Variants in TUBG1 observed in about 807,000 individuals in gnomAD.
TUBG1 encodes tubulin gamma-1 chain.
TUBG1 carries 22 observed loss-of-function variants against 53.3 expected under a neutral mutation model. The observed-to-expected ratio is 0.41, with a 90% CI of 0.29 to 0.59. The LOEUF is 0.59. Ranked by LOEUF, TUBG1 falls within the 20% of genes least tolerant of loss-of-function variation. The pLI is 0.26. For synonymous variants in TUBG1, 198 were observed against 236.7 expected (o/e 0.84, Z 1.50); for missense variants, 217 against 598.9 (o/e 0.36, Z 6.66).
rs1375716161 is a variant in TUBG1 at position 42,609,705 on chromosome 17, G to A, written c.-33G>A. ...GCTGGCGTGCGGCGCCGTTGCGGGCGGGAGCGGCTGCAACGCCGGTGCCTG... is the reference window on the plus strand; with the variant it reads ...GCTGGCGTGCGGCGCCGTTGCGGGCAGGAGCGGCTGCAACGCCGGTGCCTG... On this transcript the variant is annotated 5_prime_UTR_variant, in exon 1 of 11. Transcript: ENST00000251413. 3 of 1,541,010 alleles carry A rather than the reference G, an allele frequency of 1.9e-6. No individual in the cohort carries two copies. Among genetic ancestry groups the A allele is most frequent in the South Asian group, 1.2e-5 (1 of 83,020 alleles).
intron 3 of TUBG1, 96 bp downstream of exon 3, chr17:42,610,686 G>T: frequency 6.4e-7 from 1 of 1,559,330 alleles, no homozygotes; most frequent in Non-Finnish European, 8.7e-7. Flanking sequence ...AGGGATGTAT[G>T]AATGCTGGAG....
rs778331373 is a variant in TUBG1 at position 42,614,372 on chromosome 17, C to T, written c.956C>T (p.Ala319Val). ...CGCCAGACCAACCACTGCTACATCG[C>T]CATCCTCAACATCATCCAGGGAGAG... ...RDRQTNHCYI[A>V]ILNIIQGEVD... The change falls in exon 9 of 11, where the codon GCC (alanine) becomes GTC (valine). Residue 319 changes from alanine (A) to valine (V), a missense_variant. Physicochemically the swap from Ala to Val is moderately conservative, Grantham distance 64 (BLOSUM62 0). Transcript: ENST00000251413. This position sits in a 1 kb window ranked among gnomAD's most constrained non-coding sequence, Gnocchi z 5.1. 6.2e-7 allele frequency: 1 copy of T among 1,613,984 alleles called. No individual in the cohort carries two copies. Among genetic ancestry groups the T allele is most frequent in the East Asian group, 2.2e-5 (1 of 44,886 alleles).
chr17:42,610,654 C>T (rs1192605144), intron 3 of TUBG1, 64 bp downstream of exon 3: 4 of 1,606,614 alleles, frequency 2.5e-6, no homozygotes, highest in Non-Finnish European at 1.7e-6. Flanking sequence ...TATGACGTCC[C>T]GAAGAGAGGG....
Position 42,615,196 on chromosome 17 carries a change from T to C in TUBG1, c.*155T>C. The C allele has an allele frequency of 1.5e-6, 1 of 657,886 alleles. No homozygotes were observed. 40.8% of individuals were successfully genotyped at this position (657,886 alleles called of 1,614,324 possible). ...CTGCAAACACATTTACTTCTCCTCT[T>C]ATGAGACTATTTATCTTTAATAAAG... On this transcript the variant is annotated 3_prime_UTR_variant, in exon 11 of 11. Coordinates refer to ENST00000251413, the MANE Select transcript of TUBG1 (RefSeq NM_001070.5).
In TUBG1 at chr17:42,615,236, C is replaced by T; in HGVS notation, c.*195C>T. On this transcript the variant is annotated 3_prime_UTR_variant, in exon 11 of 11. Transcript: ENST00000251413. ...CTTTAATAAAGCACTGGATATAAAT[C>T]AAGTCACTGCTCCCTTTAAAGCCTT... 1.8e-6 allele frequency: 1 copy of T among 570,054 alleles called. No homozygotes were observed. The highest frequency in any genetic ancestry group is 3.1e-6 in the Non-Finnish European group (1 of 323,388). The allele number at this position is 570,054 out of a possible 1,614,324, so 35.3% of individuals were successfully genotyped here.
chr17:42,615,115 G>A lies in TUBG1; in HGVS notation c.*74G>A. On this transcript the variant is annotated 3_prime_UTR_variant, in exon 11 of 11. Coordinates refer to ENST00000251413, the MANE Select transcript of TUBG1 (RefSeq NM_001070.5). ...CTGCCTGACTGACCACCCCCTCAGA[G>A]CACAGATCAGGGACCTCACGCATCT... 6.7e-7 allele frequency: 1 copy of A among 1,486,020 alleles called. No homozygotes were observed. The highest frequency in any genetic ancestry group is 9.3e-7 in the Non-Finnish European group (1 of 1,074,110). 92.1% of individuals were successfully genotyped at this position (1,486,020 alleles called of 1,614,324 possible). A position where few individuals can be genotyped will look rare whatever the true frequency, so the allele number is the denominator to read the frequency against.
chr17:42,612,622 T>C, intron 5 of TUBG1, 116 bp downstream of exon 5: 1 of 985,876 alleles, frequency 1.0e-6, no homozygotes, highest in South Asian at 1.5e-5. Flanking sequence ...TTATATTCCC[T>C]CCTATAGAGA....
intron 5 of TUBG1, among the ~76,000 whole-genome samples, 188 bp downstream of exon 5, chr17:42,612,694 T>C (rs370031541): frequency 1.3e-5 from 2 of 152,122 alleles, no homozygotes; most frequent in African/African-American, 4.8e-5. Flanking sequence ...AACTGGAGCC[T>C]AGAACCTGAG....
chr17:42,610,242 G>A lies in TUBG1; in HGVS notation c.162+22G>A, dbSNP rs201396657. 7.6e-5 allele frequency: 122 copies of A among 1,614,174 alleles called. No individual in the cohort carries two copies. The East Asian group carries it at 2.1e-3, about 28-fold the overall frequency. ...CCAGGTGCCCCCAGCGACTTGGCCG[G>A]GGGCGGCAGTTGCCCAAGGGGGCGG... On this transcript the variant is annotated intron_variant, in intron 2 of 10. Coordinates refer to ENST00000251413, the MANE Select transcript of TUBG1 (RefSeq NM_001070.5).
Position 42,615,033 on chromosome 17 carries a change from G to A in TUBG1, c.1348G>A (p.Glu450Lys), listed in dbSNP as rs958496744. Residue 450 changes from glutamate (E) to lysine (K), a missense_variant, in exon 11 of 11, where the codon GAG (glutamate) becomes AAG (lysine). Physicochemically the swap from Glu to Lys is moderately conservative, Grantham distance 56. This residue lies in a region of TUBG1 where 25 missense variants were observed against 32.4 expected (regional missense o/e 0.77). Transcript: ENST00000251413. Reference protein sequence around the residue: ...RPDYISWGTQEQ With the variant: ...RPDYISWGTQKQ ...AGACTACATCTCCTGGGGCACCCAG[G>A]AGCAGTGAGTCCCCCAGGACAGGGA... The A allele has an allele frequency of 6.2e-7, 1 of 1,614,080 alleles. No homozygotes were observed. The highest frequency in any genetic ancestry group is 8.5e-7 in the Non-Finnish European group (1 of 1,179,988).
intron 3 of TUBG1, 122 bp from the exon 4 acceptor site, chr17:42,611,953 C>A: frequency 1.3e-6 from 1 of 789,186 alleles, no homozygotes; most frequent in Admixed American, 2.2e-5. Context: ...TAGATAAAAG[C>A]AGGTAGCTAT....
chr17:42,614,437 A>G lies in TUBG1; in HGVS notation c.996+25A>G, dbSNP rs768554496. 37 of 1,613,830 alleles carry G rather than the reference A, an allele frequency of 2.3e-5. No homozygotes were observed. Among genetic ancestry groups the G allele is most frequent in the South Asian group, 9.9e-5 (9 of 91,070 alleles). ...GGTAGGGGAGGCCCCTTCATCCCAC[A>G]CCCTGGACCTGCAGGGGTAGAGGAG... On this transcript the variant is annotated intron_variant, in intron 9 of 10. Transcript: ENST00000251413. This position sits in a 1 kb window ranked among gnomAD's most constrained non-coding sequence, Gnocchi z 5.1.
Position 42,614,744 on chromosome 17 carries a change from C to A in TUBG1, c.1158+87C>A. The A allele has an allele frequency of 6.2e-7, 1 of 1,604,548 alleles. No homozygotes were observed. The highest frequency in any genetic ancestry group is 8.5e-7 in the Non-Finnish European group (1 of 1,174,342). On this transcript the variant is annotated intron_variant, in intron 10 of 10. Coordinates refer to ENST00000251413, the MANE Select transcript of TUBG1 (RefSeq NM_001070.5). This position sits in a 1 kb window ranked among gnomAD's most constrained non-coding sequence, Gnocchi z 5.1. ...CTGCATCTGCTGGCCCTGCTTCTAGCTTTTTTGCTGTGGGCATAGCCCAGC... is the reference window on the plus strand; with the variant it reads ...CTGCATCTGCTGGCCCTGCTTCTAGATTTTTTGCTGTGGGCATAGCCCAGC...
chr17:42,613,756 C>G, intron 7 of TUBG1, 23 bp downstream of exon 7: 2 of 1,614,170 alleles, frequency 1.2e-6, no homozygotes, highest in South Asian at 2.2e-5. Flanking sequence ...TCCTGGACTC[C>G]TTTGGACTTG....
chr17:42,609,968 C>A, intron 1 of TUBG1, 140 bp from the exon 2 acceptor site: 1 of 1,299,836 alleles, frequency 7.7e-7, no homozygotes, highest in South Asian at 1.4e-5. Flanking sequence ...CCCTGGCGTA[C>A]AGTCCTTTCC....
rs1180819941 is a variant in TUBG1 at position 42,609,688 on chromosome 17, G to T, written c.-50G>T. 6.5e-7 allele frequency: 1 copy of T among 1,531,052 alleles called. No homozygotes were observed. The highest frequency in any genetic ancestry group is 8.8e-7 in the Non-Finnish European group (1 of 1,138,142). The allele number at this position is 1,531,052 out of a possible 1,614,324, so 94.8% of individuals were successfully genotyped here. A position where few individuals can be genotyped will look rare whatever the true frequency, so the allele number is the denominator to read the frequency against. On this transcript the variant is annotated 5_prime_UTR_variant, in exon 1 of 11. Coordinates refer to ENST00000251413, the MANE Select transcript of TUBG1 (RefSeq NM_001070.5). ...CGTCTTGCGGCGAGCGGGCTGGCGT[G>T]CGGCGCCGTTGCGGGCGGGAGCGGC...
intron 3 of TUBG1, chr17:42,611,213 A>G: frequency 1.3e-5 from 2 of 152,248 alleles, no homozygotes; most frequent in Non-Finnish European, 2.9e-5. Context: ...CTCGTGATCC[A>G]CCTGCCTCGG....
rs1409109586 is a variant in TUBG1 at position 42,612,599 on chromosome 17, C to T, written c.479+93C>T. On this transcript the variant is annotated intron_variant, in intron 5 of 10. Coordinates refer to ENST00000251413, the MANE Select transcript of TUBG1 (RefSeq NM_001070.5). ...AGATATAACTCCATATTTGCTGGAA[C>T]AGGAAAGAGTTCTTATATTCCCTCC... 5 of 1,237,166 alleles carry T rather than the reference C, an allele frequency of 4.0e-6. 1 individual carries two copies. The South Asian group carries it at 5.0e-5, about 12-fold the overall frequency. The allele number at this position is 1,237,166 out of a possible 1,614,324, so 76.6% of individuals were successfully genotyped here.
Position 42,609,853 on chromosome 17 carries a change from C to T in TUBG1, c.49+67C>T. On this transcript the variant is annotated intron_variant, in intron 1 of 10. Coordinates refer to ENST00000251413, the MANE Select transcript of TUBG1 (RefSeq NM_001070.5). ...GGTCAATGGGATCTCGCTGTGGGAT[C>T]CTGGACTCCATCTGTCCTTGCCAGA... The T allele has an allele frequency of 5.9e-6, 9 of 1,518,244 alleles. No individual in the cohort carries two copies. The South Asian group carries it at 1.0e-4, about 17-fold the overall frequency. 94.0% of individuals were successfully genotyped at this position (1,518,244 alleles called of 1,614,324 possible). A position where few individuals can be genotyped will look rare whatever the true frequency, so the allele number is the denominator to read the frequency against.
Sources: gnomAD v4.1 joint callset for allele counts (sites outside exome capture counted in the v4.1 genomes callset) on GRCh38, gnomAD v4.1.1 for gene constraint, gnomAD v4.1.1 regional missense constraint, Gnocchi (gnomAD v3.1) non-coding constraint, MANE v1.5 for transcripts, NCBI Gene and HGNC (gene_info 2026-07-23, HGNC 2026-07-21) for gene names.